The following PSD3 variants were observed in gnomAD, a reference collection of about 807,000 sequenced individuals.
The protein encoded by PSD3 is PH and SEC7 domain-containing protein 3.
PSD3 carries 49 observed loss-of-function variants against 105.5 expected under a neutral mutation model. That is an observed-to-expected ratio of 0.46 (90% CI 0.37 to 0.59). The LOEUF is 0.59. PSD3 is among the 20% of genes least tolerant of loss of function. The pLI is 0.00. For missense variants in PSD3, 1,561 were observed against 1,263.8 expected (o/e 1.24, Z -3.57); for synonymous variants, 557 against 457.8 (o/e 1.22, Z -2.77).
intron 1 of PSD3, among the ~76,000 whole-genome samples, chr8:18,949,856 G>A (rs1001803665): frequency 7.7e-6 from 1 of 129,672 alleles, no homozygotes; most frequent in Non-Finnish European, 1.7e-5. Context: ...ACTATCTCTC[G>A]TCTTGATAAA....
At chr8:18,800,764 C>T (rs1445840497) in intron 7 of PSD3, among the ~76,000 whole-genome samples, 12 of 152,136 alleles carry the variant, frequency 7.9e-5, no homozygotes, top group Non-Finnish European at 1.5e-5. Flanking sequence ...ACGAAAGCAC[C>T]AGAGACACAG....
chr8:18,631,673 T>A (rs28394143), intron 11 of PSD3, among the ~76,000 whole-genome samples: 1 of 151,752 alleles, frequency 6.6e-6, no homozygotes, highest in Non-Finnish European at 1.5e-5. Flanking sequence ...AGTCTAGTAA[T>A]CTAGTATATA....
chr8:18,744,944 A>G lies in PSD3; in HGVS notation c.2172+20505T>C, dbSNP rs555429913. The stretch of plus-strand genomic sequence containing the variant: ...AAAGAAGATGGGCCAGTTATTATAT[A>G]GAATATCTTGCAATTTGGGTTTGGC... On this transcript the variant is annotated intron_variant, in intron 9 of 15. Transcript: ENST00000327040. 3.0e-4 allele frequency among the ~76,000 whole-genome samples: 46 copies of G among 152,302 alleles called. No homozygotes were observed. In the South Asian group the frequency reaches 8.7e-3, roughly 29 times the overall value.
chr8:18,567,361 A>G lies in PSD3; in HGVS notation c.2784+5167T>C, dbSNP rs537868573. On this transcript the variant is annotated intron_variant, in intron 14 of 15. Coordinates refer to ENST00000327040, the MANE Select transcript of PSD3 (RefSeq NM_015310.4). ...TTATGCGACATGCTCTTTATGTGGT[A>G]TGCTGCTTATGTTAAGTATGCATAT... is the stretch of plus-strand genomic sequence containing the variant. 5.3e-5 allele frequency among the ~76,000 whole-genome samples: 8 copies of G among 152,094 alleles called. No individual in the cohort carries two copies. In the South Asian group the frequency reaches 1.7e-3, roughly 32 times the overall value.
intron 9 of PSD3, chr8:18,734,205 T>C (rs1030436782): frequency 2.0e-5 from 3 of 152,228 alleles, no homozygotes; most frequent in Non-Finnish European, 1.5e-5. Context: ...TGCCTCTATG[T>C]ATAGCCTTTG....
At position 19,011,780 on chromosome 8, in the gene PSD3, AAAC is replaced by A. The variant is rs1243955024; in HGVS notation, c.21+1780_21+1782del. ...CTTATGCTCGCATTTAAAAAAAAAA[AAAC>A]AACAACAACATTCAACCACGGAATT... On this transcript the variant is annotated intron_variant, in intron 1 of 15. Coordinates refer to ENST00000327040, the MANE Select transcript of PSD3 (RefSeq NM_015310.4). 3.9e-5 allele frequency among the ~76,000 whole-genome samples: 6 copies of A among 152,028 alleles called. No homozygotes were observed. The East Asian group carries it at 7.7e-4, about 20-fold the overall frequency.
chr8:18,942,922 T>C (rs767864469), intron 1 of PSD3, among the ~76,000 whole-genome samples: 6 of 152,164 alleles, frequency 3.9e-5, no homozygotes, highest in Non-Finnish European at 1.5e-5. Flanking sequence ...TATTCCCTTT[T>C]AATAAGCAAA....
intron 14 of PSD3, among the ~76,000 whole-genome samples, chr8:18,570,843 C>CTACTATTATTATTATTATTAT (rs1554514105): frequency 5.1e-5 from 6 of 117,418 alleles, no homozygotes; most frequent in African/African-American, 1.6e-4. Context: ...CTGCTTAAAA[C>CTACTATTATTATTATTATTAT]TATTATTATT....
intron 1 of PSD3, among the ~76,000 whole-genome samples, chr8:18,977,734 G>C (rs1284111076): frequency 6.6e-6 from 1 of 152,052 alleles, no homozygotes; most frequent in Non-Finnish European, 1.5e-5. Flanking sequence ...TAAAAATTTA[G>C]ACATGCACTA....
chr8:18,808,879 C>G (rs1279731718), intron 4 of PSD3: 1 of 1,586,534 alleles, frequency 6.3e-7, no homozygotes, highest in Non-Finnish European at 8.6e-7. Flanking sequence ...CCGAGCCTCA[C>G]AGCCTTCCAA....
intron 9 of PSD3, among the ~76,000 whole-genome samples, chr8:18,699,494 G>C (rs553098998): frequency 6.6e-6 from 1 of 152,210 alleles, no homozygotes; most frequent in African/African-American, 2.4e-5. Context: ...CTTATTTTCA[G>C]GTTGATAACA....
chr8:18,874,550 T>C (rs1440771726), intron 2 of PSD3, among the ~76,000 whole-genome samples: 2 of 151,720 alleles, frequency 1.3e-5, no homozygotes, highest in South Asian at 2.1e-4. Flanking sequence ...ATATATACAC[T>C]GAAATGGCTG....
chr8:18,934,980 C>T (rs1014888343), intron 2 of PSD3, among the ~76,000 whole-genome samples: 1 of 152,186 alleles, frequency 6.6e-6, no homozygotes. Flanking sequence ...ATGAGCTCTG[C>T]GGTCAGGCAA....
intron 1 of PSD3, among the ~76,000 whole-genome samples, chr8:19,075,063 G>T (rs964563958): frequency 6.6e-6 from 1 of 151,288 alleles, no homozygotes; most frequent in Admixed American, 6.6e-5. Flanking sequence ...TTCCTGCCTC[G>T]GCCTCCCAAG....
intron 1 of PSD3, among the ~76,000 whole-genome samples, chr8:18,946,719 G>A (rs1158178210): frequency 1.3e-5 from 2 of 151,998 alleles, no homozygotes; most frequent in South Asian, 2.1e-4. Context: ...GACCAATATG[G>A]TGAAACCCCA....
At chr8:18,579,220 C>T (rs1383192439) in intron 12 of PSD3, among the ~76,000 whole-genome samples, 6 of 151,932 alleles carry the variant, frequency 3.9e-5, no homozygotes, top group Non-Finnish European at 5.9e-5. Context: ...TTCATTCTGA[C>T]ATCTTTATTT....
intron 4 of PSD3, among the ~76,000 whole-genome samples, chr8:18,836,326 C>T (rs1814105106): frequency 6.6e-6 from 1 of 152,168 alleles, no homozygotes; most frequent in African/African-American, 2.4e-5. Context: ...ATGGTTCCTG[C>T]AACATACTTT....
intron 14 of PSD3, among the ~76,000 whole-genome samples, chr8:18,557,102 C>G (rs1801127746): frequency 6.6e-6 from 1 of 152,126 alleles, no homozygotes; most frequent in Non-Finnish European, 1.5e-5. Context: ...ATAGGCTACC[C>G]AAAAAGATAT....
At chr8:18,742,839 T>C (rs532869782) in intron 9 of PSD3, among the ~76,000 whole-genome samples, 1 of 152,340 alleles carries the variant, frequency 6.6e-6, no homozygotes, top group East Asian at 1.9e-4. Context: ...ACCTAGGTTA[T>C]CCATAACCTT....
Sources: allele counts gnomAD v4.1 joint callset (sites outside exome capture counted in the v4.1 genomes callset), GRCh38; gene constraint gnomAD v4.1.1; transcripts MANE v1.5; gene names NCBI Gene and HGNC (gene_info 2026-07-23, HGNC 2026-07-21).